Variants in ANKFN1 observed in about 807,000 individuals in gnomAD.
The protein encoded by ANKFN1 is ankyrin repeat and fibronectin type-III domain-containing protein 1.
Under a neutral mutation model 108.7 loss-of-function variants are expected in ANKFN1, and 74 were observed. The ratio of observed to expected loss-of-function variants is 0.68; its 90% CI spans 0.56 to 0.83. The LOEUF (loss-of-function observed/expected upper bound fraction) is 0.83, where lower values mean the gene tolerates loss of function less well. ANKFN1 is among the 40% of genes least tolerant of loss of function. The pLI is 0.00. For missense variants in ANKFN1, 1,505 were observed against 1,382.3 expected (o/e 1.09, Z -1.41); for synonymous variants, 547 against 516.2 (o/e 1.06, Z -0.81).
chr17:56,150,685 C>A (rs1313925188), upstream of ANKFN1, among the ~76,000 whole-genome samples: 3 of 152,094 alleles, frequency 2.0e-5, no homozygotes, highest in Non-Finnish European at 4.4e-5. Context: ...ATGATGAATG[C>A]CGAGCACCAA....
chr17:56,049,394 A>AT (rs10626731), intron 4 of ANKFN1, among the ~76,000 whole-genome samples: 33,386 of 151,194 alleles, frequency 0.22, 4,853 homozygotes, highest in African/African-American at 0.42. Flanking sequence ...TTGATAAATG[A>AT]TTTTTTTTTA....
chr17:56,451,135 T>A (rs752596422), intron 11 of ANKFN1, among the ~76,000 whole-genome samples: 10 of 152,202 alleles, frequency 6.6e-5, no homozygotes, highest in Non-Finnish European at 8.8e-5. Context: ...TCTCTTGTCA[T>A]GTAAGTTTTG....
chr17:56,419,168 G>A (rs2048326155), intron 8 of ANKFN1, among the ~76,000 whole-genome samples: 1 of 152,166 alleles, frequency 6.6e-6, no homozygotes, highest in African/African-American at 2.4e-5. Flanking sequence ...TCTTCTCCAT[G>A]GCCCTGCCAT....
intron 4 of ANKFN1, among the ~76,000 whole-genome samples, chr17:56,062,099 T>C (rs1238207936): frequency 6.6e-6 from 1 of 152,182 alleles, no homozygotes; most frequent in Non-Finnish European, 1.5e-5. Flanking sequence ...TGAGAGACTG[T>C]TTGTTATGAT....
chr17:56,312,635 G>T (rs1367542421), intron 3 of ANKFN1, among the ~76,000 whole-genome samples: 1 of 152,092 alleles, frequency 6.6e-6, no homozygotes, highest in Non-Finnish European at 1.5e-5. Flanking sequence ...TGCTGGAAAG[G>T]TCACTAGCTT....
At chr17:56,122,255 G>GAAGA (rs1286250921) in intron 4 of ANKFN1, among the ~76,000 whole-genome samples, 1 of 152,162 alleles carries the variant, frequency 6.6e-6, no homozygotes, top group Admixed American at 6.5e-5. Context: ...TGTTGGCCTA[G>GAAGA]AAGACCTTTA....
chr17:56,469,931 T>C (rs2050258478), intron 15 of ANKFN1, among the ~76,000 whole-genome samples: 1 of 152,106 alleles, frequency 6.6e-6, no homozygotes, highest in Non-Finnish European at 1.5e-5. Context: ...TTCCTGATGC[T>C]CTCCCTCCCC....
intron 3 of ANKFN1, among the ~76,000 whole-genome samples, chr17:56,325,517 C>T (rs1445154085): frequency 6.6e-6 from 1 of 152,232 alleles, no homozygotes; most frequent in African/African-American, 2.4e-5. Flanking sequence ...AGAAGCAGCA[C>T]TGGAATCTTC....
At chr17:56,276,232 G>T (rs563182596) in intron 3 of ANKFN1, among the ~76,000 whole-genome samples, 2 of 152,242 alleles carry the variant, frequency 1.3e-5, no homozygotes, top group African/African-American at 4.8e-5. Context: ...GCGTATATGT[G>T]CCACATTTTC....
At chr17:56,073,798 A>G (rs574163532) in intron 4 of ANKFN1, among the ~76,000 whole-genome samples, 38 of 152,316 alleles carry the variant, frequency 2.5e-4, no homozygotes, top group African/African-American at 8.9e-4. Flanking sequence ...TTCACTTAGC[A>G]TAATGTTTGT....
rs1217202665 is a variant in ANKFN1, at chr17:56,193,459, T to TA, written c.-70-19139_-70-19138insA. On this transcript the variant is annotated intron_variant, in intron 1 of 20. Transcript: ENST00000682825. Reference sequence around the variant, plus strand: ...AAGTGCATAATTTATTTGTAGCGTTTTTAAAAAAAAACAAAAAAAATACAG... The same window carrying TA: ...AAGTGCATAATTTATTTGTAGCGTTTATTAAAAAAAAACAAAAAAAATACAG... Among the ~76,000 whole-genome samples the TA allele has an allele frequency of 7.7e-4, 116 of 150,774 alleles. 1 individual carries two copies. Among genetic ancestry groups the TA allele is most frequent in the African/African-American group, 2.8e-3 (115 of 40,562 alleles).
At chr17:56,381,116 C>A (rs2047090312) in intron 8 of ANKFN1, among the ~76,000 whole-genome samples, 1 of 152,190 alleles carries the variant, frequency 6.6e-6, no homozygotes, top group Admixed American at 6.5e-5. Flanking sequence ...CAGACAGCAG[C>A]ATTCGCAGTT....
chr17:56,059,765 T>A (rs768235760), intron 4 of ANKFN1, among the ~76,000 whole-genome samples: 7 of 152,172 alleles, frequency 4.6e-5, no homozygotes, highest in Non-Finnish European at 1.0e-4. Context: ...TTCTGAGGTC[T>A]CTATTTTGTT....
upstream of ANKFN1, among the ~76,000 whole-genome samples, chr17:56,151,219 G>A (rs1336617658): frequency 6.6e-6 from 1 of 152,146 alleles, no homozygotes; most frequent in Non-Finnish European, 1.5e-5. Context: ...TCTACCTGCT[G>A]TTTTCATCAT....
At chr17:56,054,398 A>G (rs540619930) in intron 4 of ANKFN1, among the ~76,000 whole-genome samples, 2 of 152,322 alleles carry the variant, frequency 1.3e-5, no homozygotes, top group East Asian at 3.9e-4. Flanking sequence ...TCGTAGAGCT[A>G]GTGAGTCTGA....
chr17:56,413,729 T>G (rs1035918166), intron 8 of ANKFN1, among the ~76,000 whole-genome samples: 1 of 152,188 alleles, frequency 6.6e-6, no homozygotes, highest in African/African-American at 2.4e-5. Context: ...TCACTTTTTT[T>G]TTTCTTTTGA....
intron 4 of ANKFN1, among the ~76,000 whole-genome samples, chr17:56,079,303 C>T (rs141124506): frequency 7.9e-4 from 120 of 152,278 alleles, no homozygotes; most frequent in African/African-American, 2.4e-3. Context: ...AGTTTGAAAA[C>T]GTAGACACTT....
At chr17:56,234,725 A>G (rs1352434274) in intron 3 of ANKFN1, among the ~76,000 whole-genome samples, 1 of 152,052 alleles carries the variant, frequency 6.6e-6, no homozygotes, top group Non-Finnish European at 1.5e-5. Context: ...GTATATATGT[A>G]CCACATTTTC....
At chr17:56,147,869 A>C (rs1480520887) in intron 4 of ANKFN1, among the ~76,000 whole-genome samples, 3 of 152,184 alleles carry the variant, frequency 2.0e-5, no homozygotes, top group Non-Finnish European at 4.4e-5. Flanking sequence ...TAAAAATCTC[A>C]ACCTGTTAGC....
Sources: allele counts gnomAD v4.1 joint callset (sites outside exome capture counted in the v4.1 genomes callset), GRCh38; gene constraint gnomAD v4.1.1; transcripts MANE v1.5; gene names NCBI Gene and HGNC (gene_info 2026-07-23, HGNC 2026-07-21).